Variants in LINGO2 observed in about 807,000 individuals in gnomAD.
The protein encoded by LINGO2 is leucine-rich repeat and immunoglobulin-like domain-containing nogo receptor-interacting protein 2.
Under a neutral mutation model 30.6 loss-of-function variants are expected in LINGO2, and 14 were observed. The observed-to-expected ratio is 0.46, with a 90% CI of 0.30 to 0.72. LINGO2 has a LOEUF of 0.72. Among genes scored for constraint, LINGO2 ranks in the 30% least tolerant of loss-of-function variants. The probability of loss-of-function intolerance (pLI) is 0.07; values close to 1 mark genes in which losing one functional copy is unlikely to be tolerated. For missense variants in LINGO2, 729 were observed against 751.7 expected, an observed-to-expected ratio of 0.97 and a Z score of 0.35; for synonymous variants, 317 against 288.5, an observed-to-expected ratio of 1.10 and a Z score of -1.00.
chr9:28,680,516 A>T, the LINGO2 span, among the ~76,000 whole-genome samples: 1 of 152,034 alleles, frequency 6.6e-6, no homozygotes, highest in African/African-American at 2.4e-5. Context: ...TTCTATTTTT[A>T]ATTTTTTCAT....
At chr9:28,240,018 G>T (rs112870026) in intron 4 of LINGO2, among the ~76,000 whole-genome samples, 1 of 152,058 alleles carries the variant, frequency 6.6e-6, no homozygotes, top group African/African-American at 2.4e-5. Flanking sequence ...AAATTAAAAA[G>T]TAATTCCATT....
intron 4 of LINGO2, among the ~76,000 whole-genome samples, chr9:28,211,526 A>C (rs1384792148): frequency 6.6e-6 from 1 of 151,210 alleles, no homozygotes; most frequent in Non-Finnish European, 1.5e-5. Context: ...AATTCTAAGG[A>C]AGAAGGAGCT....
chr9:29,054,847 G>A, the LINGO2 span, among the ~76,000 whole-genome samples: 1 of 152,078 alleles, frequency 6.6e-6, no homozygotes, highest in East Asian at 1.9e-4. Context: ...AAATTAGACA[G>A]GATCAGATGA....
the LINGO2 span, among the ~76,000 whole-genome samples, chr9:28,792,009 C>A: frequency 6.6e-6 from 1 of 150,856 alleles, no homozygotes; most frequent in African/African-American, 2.4e-5. Flanking sequence ...GGTATATACA[C>A]TGATATATAC....
intron 4 of LINGO2, among the ~76,000 whole-genome samples, chr9:28,178,265 G>A (rs760099514): frequency 9.9e-5 from 15 of 152,036 alleles, no homozygotes; most frequent in Non-Finnish European, 1.6e-4. Flanking sequence ...ACTTAGAGAC[G>A]GTAGCGTATA....
At chr9:28,039,292 C>T (rs1469623420) in intron 4 of LINGO2, among the ~76,000 whole-genome samples, 3 of 152,226 alleles carry the variant, frequency 2.0e-5, no homozygotes, top group Non-Finnish European at 4.4e-5. Context: ...AAGGCCAATA[C>T]ACTTGACTAC....
At chr9:28,100,736 T>C (rs1334622284) in intron 4 of LINGO2, among the ~76,000 whole-genome samples, 1 of 151,964 alleles carries the variant, frequency 6.6e-6, no homozygotes, top group Non-Finnish European at 1.5e-5. Flanking sequence ...CTTCCCATCC[T>C]CCACTTTGAA....
the LINGO2 span, among the ~76,000 whole-genome samples, chr9:29,105,967 T>C: frequency 6.6e-3 from 1,003 of 152,268 alleles, 15 homozygotes; most frequent in African/African-American, 0.023. Flanking sequence ...TGAGGACACA[T>C]ACAAACTGAC....
chr9:28,045,104 T>A (rs911013734), intron 4 of LINGO2, among the ~76,000 whole-genome samples: 2 of 151,686 alleles, frequency 1.3e-5, no homozygotes, highest in Non-Finnish European at 2.9e-5. Context: ...AAATTGAGAC[T>A]TTTTCCCCCC....
the LINGO2 span, among the ~76,000 whole-genome samples, chr9:29,196,808 G>A: frequency 2.3e-4 from 35 of 152,026 alleles, no homozygotes; most frequent in Admixed American, 2.3e-3. Context: ...TTCTGGGCTG[G>A]GGCTGAGAAA....
At position 28,246,591 on chromosome 9, in the gene LINGO2, G is replaced by C. The variant is rs549478323; in HGVS notation, c.-87+48617C>G. ...CTGGACCCCTTCCTTACACCTTATA[G>C]AAAAATTAACTCAAGATGGATTAAA... On this transcript the variant is annotated intron_variant, in intron 4 of 5. Coordinates refer to ENST00000379992, the Ensembl canonical transcript of LINGO2. Among the ~76,000 whole-genome samples the C allele has an allele frequency of 3.4e-3, 522 of 151,998 alleles. 3 individuals carry two copies. The highest frequency in any genetic ancestry group is 0.012 in the African/African-American group (491 of 41,478).
chr9:28,153,687 C>G (rs1049557727), intron 4 of LINGO2, among the ~76,000 whole-genome samples: 1 of 152,076 alleles, frequency 6.6e-6, no homozygotes, highest in Non-Finnish European at 1.5e-5. Context: ...AATAACCATG[C>G]AATTATGTGA....
rs188810424 is a variant in LINGO2, at chr9:28,431,563, G to A, written c.-279+44377C>T. ...TTCTAGCACCATGGCCCTTGATTAT[G>A]GCATTGACAGAAACAGAATTTGTGA... is the stretch of plus-strand genomic sequence containing the variant. On this transcript the variant is annotated intron_variant, in intron 2 of 5. Coordinates refer to ENST00000379992, the Ensembl canonical transcript of LINGO2. 4.6e-3 allele frequency among the ~76,000 whole-genome samples: 698 copies of A among 152,230 alleles called. 5 individuals are homozygous for A. Among genetic ancestry groups the A allele is most frequent in the Non-Finnish European group, 6.5e-3 (439 of 68,004 alleles).
At chr9:28,753,217 G>A in the LINGO2 span, among the ~76,000 whole-genome samples, 1 of 151,936 alleles carries the variant, frequency 6.6e-6, no homozygotes, top group African/African-American at 2.4e-5. Context: ...CACCCTAGGG[G>A]GCAATGTGTC....
At chr9:29,061,155 T>TC in the LINGO2 span, among the ~76,000 whole-genome samples, 1 of 151,964 alleles carries the variant, frequency 6.6e-6, no homozygotes, top group Non-Finnish European at 1.5e-5. Flanking sequence ...TATCACTGAA[T>TC]ACTGCTCAAC....
chr9:29,202,192 A>G, the LINGO2 span, among the ~76,000 whole-genome samples: 3 of 151,812 alleles, frequency 2.0e-5, no homozygotes, highest in Non-Finnish European at 4.4e-5. Context: ...ATAATAATAT[A>G]TTAAATAATA....
chr9:28,508,089 T>C (rs1311087106), intron 1 of LINGO2, among the ~76,000 whole-genome samples: 1 of 152,092 alleles, frequency 6.6e-6, no homozygotes, highest in African/African-American at 2.4e-5. Context: ...GATTTGAAAT[T>C]TATAAAACTA....
At chr9:27,949,698 A>G in exon 6 of LINGO2, 1 of 1,614,150 alleles carries the variant, frequency 6.2e-7, no homozygotes, top group Middle Eastern at 1.7e-4. Context: ...CACATTGAGC[A>G]CGCGTAGGAA....
At chr9:28,935,017 C>A in the LINGO2 span, among the ~76,000 whole-genome samples, 1 of 151,906 alleles carries the variant, frequency 6.6e-6, no homozygotes, top group Non-Finnish European at 1.5e-5. Context: ...TAAAAGAAAC[C>A]ACGTCAAAAT....
Sources: gnomAD v4.1 joint callset for allele counts (sites outside exome capture counted in the v4.1 genomes callset) on GRCh38, gnomAD v4.1.1 for gene constraint, MANE v1.5 for transcripts, NCBI Gene and HGNC (gene_info 2026-07-23, HGNC 2026-07-21) for gene names.